NTM: variants seen among roughly 807,000 people sequenced by gnomAD.
NTM encodes the protein IgLON family member 2.
Under a neutral mutation model 42.1 loss-of-function variants are expected in NTM, and 13 were observed. The observed-to-expected ratio is 0.31, with a 90% CI of 0.20 to 0.49. The LOEUF is 0.49. NTM is among the 20% of genes least tolerant of loss of function. NTM has a pLI of 0.99. For synonymous variants in NTM, 187 were observed against 179.2 expected (o/e 1.04, Z -0.35); for missense variants, 373 against 452.8 (o/e 0.82, Z 1.60).
chr11:131,580,793 T>A (rs953618580), intron 1 of NTM, among the ~76,000 whole-genome samples: 2 of 152,184 alleles, frequency 1.3e-5, no homozygotes, highest in African/African-American at 4.8e-5. Flanking sequence ...TTCATAAGAT[T>A]GCTCTCCTTG....
At chr11:131,688,587 G>T (rs74384866) in intron 1 of NTM, among the ~76,000 whole-genome samples, 1 of 152,194 alleles carries the variant, frequency 6.6e-6, no homozygotes, top group African/African-American at 2.4e-5. Flanking sequence ...TCTGTGCCCC[G>T]GGTTGCTCTT....
intron 1 of NTM, among the ~76,000 whole-genome samples, chr11:131,750,107 C>T (rs1322819509): frequency 1.3e-5 from 2 of 152,210 alleles, no homozygotes; most frequent in Non-Finnish European, 2.9e-5. Context: ...TGCTTACACT[C>T]AACGGAGAGA....
At chr11:132,134,705 GTATATA>G (rs57297229) in intron 2 of NTM, among the ~76,000 whole-genome samples, 2,347 of 75,616 alleles carry the variant, frequency 0.031, 452 homozygotes, top group East Asian at 0.043. Flanking sequence ...GTATTCCATG[GTATATA>G]TATATATATA....
chr11:131,902,064 A>G (rs1031313144), intron 1 of NTM, among the ~76,000 whole-genome samples: 1 of 152,244 alleles, frequency 6.6e-6, no homozygotes, highest in African/African-American at 2.4e-5. Flanking sequence ...AAGGCCCTGA[A>G]CTCACGATGG....
At chr11:131,597,147 C>T (rs971588694) in intron 1 of NTM, among the ~76,000 whole-genome samples, 3 of 152,322 alleles carry the variant, frequency 2.0e-5, no homozygotes, top group East Asian at 1.9e-4. Context: ...CACACACACC[C>T]AGGATCAATA....
At chr11:132,331,258 C>A (rs60539322) in intron 8 of NTM, among the ~76,000 whole-genome samples, 2 of 152,200 alleles carry the variant, frequency 1.3e-5, no homozygotes, top group African/African-American at 4.8e-5. Context: ...GATAATAATT[C>A]TCATCTCCTA....
intron 1 of NTM, among the ~76,000 whole-genome samples, chr11:131,565,044 A>G (rs751554713): frequency 1.3e-5 from 2 of 152,182 alleles, no homozygotes; most frequent in African/African-American, 2.4e-5. Context: ...TCCTTCTCAC[A>G]TCGCAGATGC....
intron 1 of NTM, among the ~76,000 whole-genome samples, chr11:131,711,026 C>T (rs2077065678): frequency 6.6e-6 from 1 of 152,154 alleles, no homozygotes; most frequent in South Asian, 2.1e-4. Flanking sequence ...CTCAAAAAAC[C>T]CTAGAAGAAA....
At chr11:132,109,671 C>T (rs972629725) in intron 2 of NTM, among the ~76,000 whole-genome samples, 1 of 152,204 alleles carries the variant, frequency 6.6e-6, no homozygotes, top group Admixed American at 6.5e-5. Context: ...CACTGGGCCT[C>T]TTGGCCAGCC....
At chr11:131,920,297 T>C (rs2138204880) in intron 2 of NTM, among the ~76,000 whole-genome samples, 1 of 152,342 alleles carries the variant, frequency 6.6e-6, no homozygotes, top group Admixed American at 6.5e-5. Context: ...TCTCTAATTG[T>C]AAGTCTTCTC....
chr11:132,323,686 A>T (rs1396555459), intron 7 of NTM, among the ~76,000 whole-genome samples: 1 of 152,192 alleles, frequency 6.6e-6, no homozygotes, highest in East Asian at 1.9e-4. Context: ...TGAGTCCAGC[A>T]TCATTCTGAT....
At chr11:131,419,387 G>T (rs1253077490) in intron 1 of NTM, among the ~76,000 whole-genome samples, 1 of 152,212 alleles carries the variant, frequency 6.6e-6, no homozygotes, top group Non-Finnish European at 1.5e-5. Context: ...CGGAGAATAA[G>T]ACAGGGGTAG....
chr11:132,078,324 G>A lies in NTM; in HGVS notation c.168-67958G>A, dbSNP rs2058620768. ...TGCGGCTTCGAACCTCAGCAAATTG[G>A]TAGCACAGGGTTAGCATATTGCCTA... On this transcript the variant is annotated intron_variant, in intron 2 of 8. Coordinates refer to ENST00000683400, the MANE Select transcript of NTM (RefSeq NM_001352005.2). 2.0e-5 allele frequency among the ~76,000 whole-genome samples: 3 copies of A among 152,212 alleles called. No individual in the cohort carries two copies. The South Asian group carries it at 6.2e-4, about 32-fold the overall frequency.
intron 1 of NTM, among the ~76,000 whole-genome samples, chr11:131,620,600 T>G (rs2137646242): frequency 6.6e-6 from 1 of 152,280 alleles, no homozygotes; most frequent in African/African-American, 2.4e-5. Flanking sequence ...TAATCCTGCC[T>G]CAGGGCCTTG....
At chr11:131,979,120 TTTC>T (rs1176616302) in intron 2 of NTM, among the ~76,000 whole-genome samples, 1 of 152,190 alleles carries the variant, frequency 6.6e-6, no homozygotes. Flanking sequence ...TCAAACATAT[TTTC>T]TTTAATATTT....
rs75979091 is a variant in NTM at position 131,795,006 on chromosome 11, T to C, written c.83-116558T>C. On this transcript the variant is annotated intron_variant, in intron 1 of 8. Coordinates refer to ENST00000683400, the MANE Select transcript of NTM (RefSeq NM_001352005.2). ...AGCCTTGGGCAGGCTACAGAAGTAC[T>C]CAGCCGTGCTCCTTCCTGGACCCTG... is the stretch of plus-strand genomic sequence containing the variant. 1.8e-3 allele frequency: 1,743 copies of C among 985,154 alleles called. 54 individuals carry two copies. The East Asian group carries it at 0.093, about 53-fold the overall frequency. The allele number at this position is 985,154 out of a possible 1,614,324, so 61.0% of individuals were successfully genotyped here. A position where few individuals can be genotyped will look rare whatever the true frequency, so the allele number is the denominator to read the frequency against.
At chr11:131,972,700 C>T (rs544865955) in intron 2 of NTM, among the ~76,000 whole-genome samples, 12 of 152,296 alleles carry the variant, frequency 7.9e-5, no homozygotes, top group Non-Finnish European at 1.5e-4. Context: ...CATAATGTGG[C>T]TCTCTTGGTT....
chr11:131,702,035 A>T (rs2076128357), intron 1 of NTM, among the ~76,000 whole-genome samples: 1 of 152,158 alleles, frequency 6.6e-6, no homozygotes, highest in Admixed American at 6.5e-5. Flanking sequence ...TCCCTTTCCC[A>T]CAGTTTCCTG....
intron 3 of NTM, among the ~76,000 whole-genome samples, chr11:132,183,286 T>C (rs532730802): frequency 6.6e-6 from 1 of 152,310 alleles, no homozygotes; most frequent in South Asian, 2.1e-4. Flanking sequence ...CCAGATTAGT[T>C]AACCATACCC....
Sources: allele counts gnomAD v4.1 joint callset (sites outside exome capture counted in the v4.1 genomes callset), GRCh38; gene constraint gnomAD v4.1.1; transcripts MANE v1.5; gene names NCBI Gene and HGNC (gene_info 2026-07-23, HGNC 2026-07-21).